The following SCAP variants were observed in gnomAD, a reference collection of about 807,000 sequenced individuals.
The protein encoded by SCAP is sterol regulatory element-binding protein cleavage-activating protein.
SCAP carries 65 observed loss-of-function variants against 123.6 expected under a neutral mutation model. That is an observed-to-expected ratio of 0.53 (90% CI 0.43 to 0.65). The LOEUF is 0.65. SCAP is among the 30% of genes least tolerant of loss of function. The probability of loss-of-function intolerance (pLI) is 0.00; values close to 1 mark genes in which losing one functional copy is unlikely to be tolerated. For synonymous variants in SCAP, 740 were observed against 726.3 expected, an observed-to-expected ratio of 1.02 and a Z score of -0.30; for missense variants, 1,398 against 1,712.5, an observed-to-expected ratio of 0.82 and a Z score of 3.24.
chr3:47,415,998 T>C (rs1705553443), intron 18 of SCAP, among the ~76,000 whole-genome samples: 2 of 152,284 alleles, frequency 1.3e-5, no homozygotes, highest in Admixed American at 6.5e-5. Context: ...TTGGCCAGGC[T>C]GGAGGGGAGG....
Position 47,472,277 on chromosome 3 carries a change from C to CA in SCAP, c.-99+3521dup, listed in dbSNP as rs566979318. 2.9e-3 allele frequency among the ~76,000 whole-genome samples: 424 copies of CA among 148,248 alleles called. 3 individuals carry two copies. Among genetic ancestry groups the CA allele is most frequent in the Admixed American group, 9.6e-3 (144 of 14,940 alleles). ...TGAAACCCCGTCTCTACTAAAAATA[C>CA]AAAAAAATTAGCCGGGCGCGGTGGC... On this transcript the variant is annotated intron_variant, in intron 1 of 22. Coordinates refer to ENST00000265565, the MANE Select transcript of SCAP (RefSeq NM_012235.4).
chr3:47,476,066 C>G (rs1317766262), upstream of SCAP: 1 of 151,542 alleles, frequency 6.6e-6, no homozygotes, highest in African/African-American at 2.4e-5. Flanking sequence ...CTGGTGGACA[C>G]CGGAGGGAAG....
intron 8 of SCAP, chr3:47,425,210 A>T: frequency 2.5e-6 from 1 of 407,430 alleles, no homozygotes; most frequent in Non-Finnish European, 4.4e-6. Context: ...ATACACAAAC[A>T]TACCAACACA....
chr3:47,421,016 A>G lies in SCAP; in HGVS notation c.1259T>C (p.Phe420Ser), dbSNP rs1705874629. The G allele has an allele frequency of 3.7e-6, 6 of 1,613,870 alleles. No individual in the cohort carries two copies. Among genetic ancestry groups the G allele is most frequent in the Non-Finnish European group, 5.1e-6 (6 of 1,179,904 alleles). The change falls in exon 11 of 23, where the codon TTT becomes TCT. Residue 420 changes from phenylalanine to serine, a missense_variant. Phe to Ser is a radical substitution (Grantham distance 155, BLOSUM62 -2). This residue lies in a region of SCAP where 66 missense variants were observed against 116.3 expected (regional missense o/e 0.57). Transcript: ENST00000265565. ...GTCAGACACCAGCCCCACGACAGCAAAGAGACAGAACTCCTGGAATCAGAG... is the reference window on the plus strand; with the variant it reads ...GTCAGACACCAGCCCCACGACAGCAGAGAGACAGAACTCCTGGAATCAGAG... ...LVPAIQEFCL[F>S]AVVGLVSDFF...
At chr3:47,467,227 A>G (rs1707859315) in intron 1 of SCAP, among the ~76,000 whole-genome samples, 1 of 152,214 alleles carries the variant, frequency 6.6e-6, no homozygotes. Context: ...GAATTTGTAA[A>G]GAATTCCTAC....
At chr3:47,416,489 G>C (rs1705577050) in intron 18 of SCAP, among the ~76,000 whole-genome samples, 1 of 152,158 alleles carries the variant, frequency 6.6e-6, no homozygotes, top group Non-Finnish European at 1.5e-5. Flanking sequence ...AAGCTAATCA[G>C]AGAAACTGGC....
rs537893931 is a variant in SCAP, at chr3:47,459,021, T to C, written c.-98-15930A>G. ...GGTTTCACCATGTTGGTCAGGCTGGTTTCAAACTCCTGACCTCAGGTGATC... is the reference window on the plus strand; with the variant it reads ...GGTTTCACCATGTTGGTCAGGCTGGCTTCAAACTCCTGACCTCAGGTGATC... On this transcript the variant is annotated intron_variant, in intron 1 of 22. Coordinates refer to ENST00000265565, the MANE Select transcript of SCAP (RefSeq NM_012235.4). Among the ~76,000 whole-genome samples the C allele has an allele frequency of 5.0e-4, 76 of 152,274 alleles. 1 individual carries two copies. The South Asian group carries it at 0.015, about 30-fold the overall frequency.
In SCAP at chr3:47,456,844, GTGCTAAATT is replaced by G. The variant is rs1187155797; in HGVS notation, c.-98-13762_-98-13754del. 2.6e-5 allele frequency among the ~76,000 whole-genome samples: 4 copies of G among 151,984 alleles called. No individual in the cohort carries two copies. In the South Asian group the frequency reaches 8.3e-4, roughly 32 times the overall value. On this transcript the variant is annotated intron_variant, in intron 1 of 22. Coordinates refer to ENST00000265565, the MANE Select transcript of SCAP (RefSeq NM_012235.4). ...AACTGCAATTCATATCGCTGACAAG[GTGCTAAATT>G]CCCGCGTATATAAGCAATTTTGACA...
intron 22 of SCAP, 23 bp from the exon 23 acceptor site, chr3:47,414,122 C>T: frequency 6.2e-7 from 1 of 1,613,484 alleles, no homozygotes; most frequent in Non-Finnish European, 8.5e-7. Context: ...ACATGACAAG[C>T]TCAGTCCTGA....
At chr3:47,446,805 A>G (rs941914777) in intron 1 of SCAP, among the ~76,000 whole-genome samples, 1 of 151,896 alleles carries the variant, frequency 6.6e-6, no homozygotes, top group Non-Finnish European at 1.5e-5. Context: ...TTAGCAGGGC[A>G]GGGTGGCACA....
chr3:47,449,532 G>A (rs1707171185), intron 1 of SCAP, among the ~76,000 whole-genome samples: 1 of 123,916 alleles, frequency 8.1e-6, no homozygotes, highest in Non-Finnish European at 1.8e-5. Context: ...ACACAATTAC[G>A]TGGAGGGCCA....
intron 1 of SCAP, among the ~76,000 whole-genome samples, chr3:47,447,872 G>A (rs1379369990): frequency 1.3e-5 from 2 of 151,754 alleles, no homozygotes; most frequent in African/African-American, 2.4e-5. Context: ...GGGCATGGTG[G>A]CGTGTGCCTG....
At chr3:47,424,456 G>A (rs748234682) in intron 8 of SCAP, among the ~76,000 whole-genome samples, 17 of 152,228 alleles carry the variant, frequency 1.1e-4, no homozygotes, top group Non-Finnish European at 2.1e-4. Flanking sequence ...CTAAATGCAA[G>A]GAGATGAAAC....
intron 3 of SCAP, 46 bp downstream of exon 3, chr3:47,434,962 C>T: frequency 6.2e-7 from 1 of 1,613,548 alleles, no homozygotes; most frequent in Non-Finnish European, 8.5e-7. Context: ...CAGCCAGTCT[C>T]CACCCAACGC....
intron 10 of SCAP, 135 bp downstream of exon 10, chr3:47,422,307 G>GCCAGGCAAAGAGGTCCCACCTCA: frequency 1.4e-6 from 1 of 721,978 alleles, no homozygotes; most frequent in Middle Eastern, 4.2e-4. Flanking sequence ...TGATCTGCTT[G>GCCAGGCAAAGAGGTCCCACCTCA]CCAGGCAAAG....
chr3:47,429,377 G>C (rs919151286), intron 3 of SCAP, among the ~76,000 whole-genome samples: 3 of 152,186 alleles, frequency 2.0e-5, no homozygotes, highest in Non-Finnish European at 4.4e-5. Flanking sequence ...TTTTCTTTTT[G>C]AGACAGGGTC....
intron 1 of SCAP, among the ~76,000 whole-genome samples, chr3:47,446,393 G>C (rs959844865): frequency 1.3e-5 from 2 of 151,884 alleles, no homozygotes; most frequent in Admixed American, 6.6e-5. Flanking sequence ...GGCTTGTCTT[G>C]AACTACTGAC....
intron 1 of SCAP, among the ~76,000 whole-genome samples, chr3:47,473,096 A>C (rs907102340): frequency 6.7e-6 from 1 of 148,158 alleles, no homozygotes; most frequent in African/African-American, 2.5e-5. Flanking sequence ...AAAAAAAAAA[A>C]AAACAGACTG....
At chr3:47,428,453 G>GT (rs1706230376) in intron 4 of SCAP, 60 bp downstream of exon 4, 4 of 1,557,030 alleles carry the variant, frequency 2.6e-6, no homozygotes, top group Admixed American at 1.7e-5. Flanking sequence ...ACTGAGGACT[G>GT]TAACTCTCCC....
Sources: allele counts gnomAD v4.1 joint callset (sites outside exome capture counted in the v4.1 genomes callset), GRCh38; gene constraint gnomAD v4.1.1; regional missense constraint gnomAD v4.1.1; transcripts MANE v1.5; gene names NCBI Gene and HGNC (gene_info 2026-07-23, HGNC 2026-07-21).